SLC14A2: variants seen among roughly 807,000 people sequenced by gnomAD.
SLC14A2 encodes the protein solute carrier family 14 member 2.
In SLC14A2, 91 loss-of-function variants were observed where a neutral mutation model predicts 104.6. That is an observed-to-expected ratio of 0.87 (90% CI 0.73 to 1.04). The LOEUF is 1.04. SLC14A2 is among the 50% of genes least tolerant of loss of function. The pLI is 0.00. For synonymous variants in SLC14A2, 476 were observed against 466.4 expected, an observed-to-expected ratio of 1.02 and a Z score of -0.27; for missense variants, 1,189 against 1,156.0, an observed-to-expected ratio of 1.03 and a Z score of -0.41.
intron 1 of SLC14A2, among the ~76,000 whole-genome samples, chr18:45,623,575 TAGG>T (rs1466754815): frequency 6.6e-6 from 1 of 152,116 alleles, no homozygotes; most frequent in Non-Finnish European, 1.5e-5. Context: ...TTCCTCTCAT[TAGG>T]AGGAGGAGAG....
At chr18:45,261,943 A>G (rs2084543196) in intron 1 of SLC14A2, among the ~76,000 whole-genome samples, 1 of 152,202 alleles carries the variant, frequency 6.6e-6, no homozygotes, top group African/African-American at 2.4e-5. Flanking sequence ...TGGCTGGGTC[A>G]AATGGTATTT....
intron 1 of SLC14A2, among the ~76,000 whole-genome samples, chr18:45,214,140 A>G (rs2083986880): frequency 6.6e-6 from 1 of 152,204 alleles, no homozygotes; most frequent in Admixed American, 6.5e-5. Flanking sequence ...TTATTGAAGA[A>G]GATAGGAATT....
intron 2 of SLC14A2, among the ~76,000 whole-genome samples, chr18:45,603,019 T>C (rs928587436): frequency 2.0e-5 from 3 of 152,214 alleles, no homozygotes; most frequent in African/African-American, 2.4e-5. Context: ...ATCAAAAAAG[T>C]ACATTTTGTC....
intron 1 of SLC14A2, among the ~76,000 whole-genome samples, chr18:45,450,695 C>A (rs931848669): frequency 3.9e-5 from 6 of 152,198 alleles, no homozygotes; most frequent in African/African-American, 1.4e-4. Flanking sequence ...TACACTCTGA[C>A]AGTCTATTAA....
upstream of SLC14A2, among the ~76,000 whole-genome samples, chr18:45,209,549 C>CTTT (rs538460084): frequency 1.3e-4 from 16 of 123,008 alleles, no homozygotes; most frequent in African/African-American, 6.0e-5. Context: ...CTTCCTTTTT[C>CTTT]TTTTTTTTTT....
chr18:45,495,101 C>G (rs1198776860), intron 2 of SLC14A2, among the ~76,000 whole-genome samples: 4 of 152,096 alleles, frequency 2.6e-5, no homozygotes, highest in Non-Finnish European at 5.9e-5. Flanking sequence ...TCTGCATACG[C>G]TGCATCCTGT....
At chr18:45,334,545 T>C (rs537070898) in intron 1 of SLC14A2, among the ~76,000 whole-genome samples, 157 of 152,306 alleles carry the variant, frequency 1.0e-3, no homozygotes, top group African/African-American at 3.5e-3. Context: ...ATAAATGTAT[T>C]TACTTCTGTG....
At chr18:45,443,991 G>A (rs923124936) in intron 1 of SLC14A2, among the ~76,000 whole-genome samples, 1 of 152,156 alleles carries the variant, frequency 6.6e-6, no homozygotes, top group African/African-American at 2.4e-5. Context: ...AAACACACAT[G>A]GAGAGTGGGT....
chr18:45,475,638 TTAGG>T (rs1263630900), intron 1 of SLC14A2, among the ~76,000 whole-genome samples: 14 of 17,260 alleles, frequency 8.1e-4, no homozygotes, highest in Admixed American at 1.7e-3. Context: ...ATATATATAT[TTAGG>T]ATATATATAT....
the SLC14A2 span, chr18:45,168,757 T>A: frequency 1.3e-5 from 2 of 151,134 alleles, no homozygotes; most frequent in African/African-American, 4.9e-5. Flanking sequence ...AAAAGGAACT[T>A]TTTTTTTTAT....
intron 2 of SLC14A2, among the ~76,000 whole-genome samples, chr18:45,560,287 G>T (rs1040198560): frequency 2.0e-5 from 3 of 152,152 alleles, no homozygotes; most frequent in South Asian, 2.1e-4. Flanking sequence ...TCTTAGAGAG[G>T]CTAAATAGCT....
chr18:45,280,319 G>C (rs1198678097), intron 1 of SLC14A2, among the ~76,000 whole-genome samples: 1 of 152,136 alleles, frequency 6.6e-6, no homozygotes, highest in Non-Finnish European at 1.5e-5. Context: ...GAGGAAAAGG[G>C]GCCTCAGTTC....
At chr18:45,530,862 A>G (rs555302545) in intron 2 of SLC14A2, among the ~76,000 whole-genome samples, 1 of 149,700 alleles carries the variant, frequency 6.7e-6, no homozygotes, top group African/African-American at 2.5e-5. Context: ...CCCCCACCCC[A>G]CAACAGTCCC....
At chr18:45,468,420 G>A (rs1039241539) in intron 1 of SLC14A2, among the ~76,000 whole-genome samples, 1 of 151,744 alleles carries the variant, frequency 6.6e-6, no homozygotes, top group Admixed American at 6.6e-5. Context: ...CTTAGCAAAG[G>A]GGCAGAGCTT....
chr18:45,277,851 G>A (rs181600117), intron 1 of SLC14A2, among the ~76,000 whole-genome samples: 114 of 152,322 alleles, frequency 7.5e-4, no homozygotes, highest in African/African-American at 2.5e-3. Flanking sequence ...TTTATTTTCT[G>A]TTCTAAAGGG....
intron 1 of SLC14A2, among the ~76,000 whole-genome samples, chr18:45,432,416 G>A (rs984207423): frequency 6.6e-6 from 1 of 152,122 alleles, no homozygotes; most frequent in South Asian, 2.1e-4. Flanking sequence ...TAACAATTGG[G>A]CAGGAATACT....
chr18:45,651,711 C>T (rs1399192660), intron 10 of SLC14A2, among the ~76,000 whole-genome samples: 1 of 152,088 alleles, frequency 6.6e-6, no homozygotes, highest in Non-Finnish European at 1.5e-5. Flanking sequence ...GATTCTATGG[C>T]CCTGAGTTCC....
intron 2 of SLC14A2, among the ~76,000 whole-genome samples, chr18:45,534,373 A>G (rs2043748263): frequency 6.6e-6 from 1 of 152,152 alleles, no homozygotes; most frequent in African/African-American, 2.4e-5. Context: ...AAAAAACCCC[A>G]GAGAGGTACA....
intron 2 of SLC14A2, among the ~76,000 whole-genome samples, chr18:45,503,449 C>T (rs2043230874): frequency 6.6e-6 from 1 of 152,220 alleles, no homozygotes; most frequent in Non-Finnish European, 1.5e-5. Context: ...GTGACTAACT[C>T]AGTGTCTGGT....
Sources: allele counts gnomAD v4.1 joint callset (sites outside exome capture counted in the v4.1 genomes callset), GRCh38; gene constraint gnomAD v4.1.1; transcripts MANE v1.5; gene names NCBI Gene and HGNC (gene_info 2026-07-23, HGNC 2026-07-21).